The following PXN variants were observed in gnomAD, a reference collection of about 807,000 sequenced individuals.
The protein encoded by PXN is paxillin, also known as testicular tissue protein Li 134.
PXN carries 61 observed loss-of-function variants against 103.6 expected under a neutral mutation model. The observed-to-expected ratio is 0.59, with a 90% CI of 0.48 to 0.73. PXN has a LOEUF of 0.73. Ranked by LOEUF, PXN falls within the 30% of genes least tolerant of loss-of-function variation. PXN has a pLI of 0.00. For missense variants in PXN, 1,274 were observed against 1,460.3 expected, an observed-to-expected ratio of 0.87 and a Z score of 2.08; for synonymous variants, 562 against 607.8, an observed-to-expected ratio of 0.92 and a Z score of 1.11.
In PXN at chr12:120,211,348, G is replaced by A. The variant is rs1183291052; in HGVS notation, c.*966C>T. 1 of 153,966 alleles carries A rather than the reference G, an allele frequency of 6.5e-6. No homozygotes were observed. The highest frequency in any genetic ancestry group is 1.4e-5 in the Non-Finnish European group (1 of 69,008). The allele number at this position is 153,966 out of a possible 1,614,324, so 9.5% of individuals were successfully genotyped here. A position where few individuals can be genotyped will look rare whatever the true frequency, so the allele number is the denominator to read the frequency against. ...AAACAGTCCTGGTGAGCTATGAAGT[G>A]AAAGAGGGGGAGTCACAGAGCTGCT... On this transcript the variant is annotated 3_prime_UTR_variant, in exon 15 of 15. Transcript: ENST00000637617.
chr12:120,243,497 C>T (rs1479433354), intron 1 of PXN, among the ~76,000 whole-genome samples: 2 of 152,170 alleles, frequency 1.3e-5, no homozygotes, highest in African/African-American at 4.8e-5. Flanking sequence ...TGAGACCAGA[C>T]TGGGCAACAC....
intron 1 of PXN, among the ~76,000 whole-genome samples, chr12:120,254,343 G>C (rs1459704098): frequency 1.3e-5 from 2 of 152,130 alleles, no homozygotes; most frequent in Admixed American, 6.6e-5. Flanking sequence ...ATGATATGAG[G>C]GCTGAAGTTA....
In PXN at chr12:120,220,860, T is replaced by C. The variant is rs552068588; in HGVS notation, c.831+763A>G. Among the ~76,000 whole-genome samples, 1 of 152,288 alleles carries C rather than the reference T, an allele frequency of 6.6e-6. No individual in the cohort carries two copies. The highest frequency in any genetic ancestry group is 2.1e-4 in the South Asian group (1 of 4,824). Reference sequence around the variant, plus strand: ...AGGGACCGTTCACTCCCCTCTCATATTCCCTAGGTCATGCCCCAAAGGTCT... The same window carrying C: ...AGGGACCGTTCACTCCCCTCTCATACTCCCTAGGTCATGCCCCAAAGGTCT... On this transcript the variant is annotated intron_variant, in intron 6 of 14. Coordinates refer to ENST00000637617, the MANE Select transcript of PXN (RefSeq NM_001385981.1). This position sits in a 1 kb window ranked among gnomAD's most constrained non-coding sequence, Gnocchi z 6.1.
chr12:120,263,060 C>T (rs1894123028), intron 1 of PXN, among the ~76,000 whole-genome samples: 1 of 152,146 alleles, frequency 6.6e-6, no homozygotes, highest in African/African-American at 2.4e-5. Flanking sequence ...ACCCTCTGGC[C>T]TTGCTACCGG....
At chr12:120,245,868 G>A (rs1012289078) in intron 1 of PXN, among the ~76,000 whole-genome samples, 1 of 151,588 alleles carries the variant, frequency 6.6e-6, no homozygotes, top group South Asian at 2.1e-4. Flanking sequence ...TACATAGTAC[G>A]GGTTTCATAA....
rs1887359510 is a variant in PXN, at chr12:120,228,496, G to T, written c.14-4119C>A. On this transcript the variant is annotated intron_variant, in intron 1 of 14. Transcript: ENST00000637617. The surrounding 1 kb of genome is among the most constrained non-coding windows in gnomAD (Gnocchi z 4.7). Reference sequence around the variant, plus strand: ...TCCGCCCTGGTGAGGAAGGGGTGCAGACTGTCTGCTGCTCCCCACCAGAGG... The same window carrying T: ...TCCGCCCTGGTGAGGAAGGGGTGCATACTGTCTGCTGCTCCCCACCAGAGG... Among the ~76,000 whole-genome samples, 1 of 152,234 alleles carries T rather than the reference G, an allele frequency of 6.6e-6. No individual in the cohort carries two copies. Among genetic ancestry groups the T allele is most frequent in the Non-Finnish European group, 1.5e-5 (1 of 68,046 alleles).
intron 1 of PXN, among the ~76,000 whole-genome samples, chr12:120,257,134 G>A (rs1893141614): frequency 6.6e-6 from 1 of 152,134 alleles, no homozygotes; most frequent in Admixed American, 6.6e-5. Flanking sequence ...GGAGCTCCCT[G>A]GAGGGTTCCA....
chr12:120,211,782 C>G lies in PXN; in HGVS notation c.*532G>C, dbSNP rs1241027866. On this transcript the variant is annotated 3_prime_UTR_variant, in exon 15 of 15. Coordinates refer to ENST00000637617, the MANE Select transcript of PXN (RefSeq NM_001385981.1). ...GGGCACTGGAAGGGTAGGAGGAGCA[C>G]AGAGAACCTTCCATGGCCCCTTTGG... The G allele has an allele frequency of 2.5e-6, 1 of 397,092 alleles. No homozygotes were observed. The highest frequency in any genetic ancestry group is 2.1e-5 in the African/African-American group (1 of 48,064). The allele number at this position is 397,092 out of a possible 1,614,324, so 24.6% of individuals were successfully genotyped here. A position where few individuals can be genotyped will look rare whatever the true frequency, so the allele number is the denominator to read the frequency against.
chr12:120,216,018 C>G lies in PXN; in HGVS notation c.2301+255G>C. ...TTCTTTCCTCGATGGGAGCCCGGGG[C>G]AGTACTGAGGACCAGTCGAGGAAGG... On this transcript the variant is annotated intron_variant, in intron 9 of 14. Coordinates refer to ENST00000637617, the MANE Select transcript of PXN (RefSeq NM_001385981.1). The surrounding 1 kb of genome is among the most constrained non-coding windows in gnomAD (Gnocchi z 5.1). The G allele has an allele frequency of 1.5e-6, 2 of 1,351,384 alleles. No individual in the cohort carries two copies. Among genetic ancestry groups the G allele is most frequent in the Non-Finnish European group, 1.9e-6 (2 of 1,053,526 alleles). 83.7% of individuals were successfully genotyped at this position (1,351,384 alleles called of 1,614,324 possible). A position where few individuals can be genotyped will look rare whatever the true frequency, so the allele number is the denominator to read the frequency against.
intron 1 of PXN, among the ~76,000 whole-genome samples, chr12:120,246,535 AAAAAAGAAAAG>A: frequency 6.9e-6 from 1 of 145,112 alleles, no homozygotes; most frequent in Admixed American, 7.0e-5. Flanking sequence ...AAAAAAAAAG[AAAAAAGAAAAG>A]AAAAAGAAAA....
rs995261828 is a variant in PXN, at chr12:120,265,411, G to A, written c.13+206C>T. 3.3e-5 allele frequency among the ~76,000 whole-genome samples: 5 copies of A among 152,094 alleles called. No individual in the cohort carries two copies. Among genetic ancestry groups the A allele is most frequent in the Non-Finnish European group, 5.9e-5 (4 of 67,992 alleles). On this transcript the variant is annotated intron_variant, in intron 1 of 14. Transcript: ENST00000637617. This position sits in a 1 kb window ranked among gnomAD's most constrained non-coding sequence, Gnocchi z 5.7. ...CCGTCCCAGACGGGGGGTCGCTGCT[G>A]TGCGGTCGGTGCCGGGGCCGGCCTG... is the stretch of plus-strand genomic sequence containing the variant.
Position 120,224,595 on chromosome 12 carries a change from A to C in PXN, c.14-218T>G. 1 of 695,842 alleles carries C rather than the reference A, an allele frequency of 1.4e-6. No homozygotes were observed. The highest frequency in any genetic ancestry group is 2.6e-6 in the Non-Finnish European group (1 of 380,968). The allele number at this position is 695,842 out of a possible 1,614,324, so 43.1% of individuals were successfully genotyped here. A position where few individuals can be genotyped will look rare whatever the true frequency, so the allele number is the denominator to read the frequency against. Reference sequence around the variant, plus strand: ...AACTTCTTCTGGCCACCCAGGACTGAAAGTGCTCTAGAGGCGGGCTCTGGG... The same window carrying C: ...AACTTCTTCTGGCCACCCAGGACTGCAAGTGCTCTAGAGGCGGGCTCTGGG... On this transcript the variant is annotated intron_variant, in intron 1 of 14. Transcript: ENST00000637617. The surrounding 1 kb of genome is among the most constrained non-coding windows in gnomAD (Gnocchi z 5.0).
rs771579113 is a variant in PXN at position 120,222,818 on chromosome 12, G to A, written c.493+45C>T. On this transcript the variant is annotated intron_variant, in intron 4 of 14. Transcript: ENST00000637617. This position sits in a 1 kb window ranked among gnomAD's most constrained non-coding sequence, Gnocchi z 4.7. Reference sequence around the variant, plus strand: ...TCCTGGGATCTAGAGGTCAGCAGATGGGCCCTGGGCCCTGGTAGACCCTGC... The same window carrying A: ...TCCTGGGATCTAGAGGTCAGCAGATAGGCCCTGGGCCCTGGTAGACCCTGC... 2.9e-5 allele frequency: 47 copies of A among 1,606,984 alleles called. No individual in the cohort carries two copies. In the East Asian group the frequency reaches 5.8e-4, roughly 20 times the overall value.
chr12:120,248,540 A>ACACACC (rs1891595464), intron 1 of PXN, among the ~76,000 whole-genome samples: 2 of 135,952 alleles, frequency 1.5e-5, no homozygotes, highest in African/African-American at 2.7e-5. Context: ...ACACACACAC[A>ACACACC]CCAGACTGTC....
rs1883006567 is a variant in PXN at position 120,216,388 on chromosome 12, C to T, written c.2186G>A (p.Gly729Glu). 2 of 1,339,258 alleles carry T rather than the reference C, an allele frequency of 1.5e-6. No individual in the cohort carries two copies. The highest frequency in any genetic ancestry group is 3.7e-5 in the Admixed American group (1 of 26,786). 83.0% of individuals were successfully genotyped at this position (1,339,258 alleles called of 1,614,324 possible). ...CACCCCCTCATCATGGGGCTCTTCC[C>T]CTGCACTCTGGACCCCAGAAGAACC... The part of the protein sequence containing the change: ...TCGSSGVQSA[G>E]EEPHDEGVQG... Residue 729 changes from glycine to glutamate, a missense_variant, in exon 9 of 15, where the codon GGG (glycine) becomes GAG (glutamate). By Grantham distance (98) the Gly-to-Glu change is moderately conservative. Coordinates refer to ENST00000637617, the MANE Select transcript of PXN (RefSeq NM_001385981.1). This position sits in a 1 kb window ranked among gnomAD's most constrained non-coding sequence, Gnocchi z 5.1.
At chr12:120,256,609 C>A (rs1030482057) in intron 1 of PXN, among the ~76,000 whole-genome samples, 35 of 152,152 alleles carry the variant, frequency 2.3e-4, no homozygotes, top group Non-Finnish European at 4.0e-4. Context: ...TAGAGGCCAT[C>A]CTTGAGGATC....
At chr12:120,239,384 C>T (rs1889738186) in intron 1 of PXN, among the ~76,000 whole-genome samples, 1 of 152,132 alleles carries the variant, frequency 6.6e-6, no homozygotes, top group Non-Finnish European at 1.5e-5. Flanking sequence ...AGTTCGAGAC[C>T]AGCCTGGCCA....
Position 120,265,553 on chromosome 12 carries a change from C to T in PXN, c.13+64G>A. 15 of 1,462,926 alleles carry T rather than the reference C, an allele frequency of 1.0e-5. No homozygotes were observed. The highest frequency in any genetic ancestry group is 1.3e-5 in the Non-Finnish European group (14 of 1,112,176). The allele number at this position is 1,462,926 out of a possible 1,614,324, so 90.6% of individuals were successfully genotyped here. A position where few individuals can be genotyped will look rare whatever the true frequency, so the allele number is the denominator to read the frequency against. On this transcript the variant is annotated intron_variant, in intron 1 of 14. Transcript: ENST00000637617. This position sits in a 1 kb window ranked among gnomAD's most constrained non-coding sequence, Gnocchi z 5.7. ...TCCCGCGGCCCCTGCCGCTCGCTGG[C>T]GCCCTCCTGGCCCCAAGCTGCGCGC...
At chr12:120,235,610 C>T (rs574275155) in intron 1 of PXN, among the ~76,000 whole-genome samples, 1 of 152,274 alleles carries the variant, frequency 6.6e-6, no homozygotes, top group East Asian at 1.9e-4. Flanking sequence ...TCCAAAAAGG[C>T]GGGCCTGCTG....
Sources: gnomAD v4.1 joint callset for allele counts (sites outside exome capture counted in the v4.1 genomes callset) on GRCh38, gnomAD v4.1.1 for gene constraint, Gnocchi (gnomAD v3.1) non-coding constraint, MANE v1.5 for transcripts, NCBI Gene and HGNC (gene_info 2026-07-23, HGNC 2026-07-21) for gene names.